USP20: variants seen among roughly 807,000 people sequenced by gnomAD.
USP20 encodes ubiquitin specific peptidase 20, also known as ubiquitin carboxyl-terminal hydrolase 20.
USP20 carries 80 observed loss-of-function variants against 124.2 expected under a neutral mutation model. That is an observed-to-expected ratio of 0.64 (90% CI 0.54 to 0.78). The LOEUF is 0.78. Among genes scored for constraint, USP20 ranks in the 30% least tolerant of loss-of-function variants. The pLI, the probability that USP20 is intolerant of heterozygous loss-of-function variation, is 0.00. For missense variants in USP20, 1,043 were observed against 1,244.4 expected, an observed-to-expected ratio of 0.84 and a Z score of 2.44; for synonymous variants, 481 against 512.3, an observed-to-expected ratio of 0.94 and a Z score of 0.83.
At chr9:129,862,336 C>G (rs2062802) in intron 8 of USP20, among the ~76,000 whole-genome samples, 133,229 of 152,086 alleles carry the variant, frequency 0.88, 58,750 homozygotes, top group East Asian at 1. Context: ...GATGGATCAC[C>G]AGGTCAGGAG....
chr9:129,842,276 A>G (rs948761609), intron 1 of USP20, among the ~76,000 whole-genome samples: 1 of 152,116 alleles, frequency 6.6e-6, no homozygotes, highest in African/African-American at 2.4e-5. Context: ...TTCCATAGTG[A>G]CCGTTACCTC....
intron 8 of USP20, among the ~76,000 whole-genome samples, 158 bp downstream of exon 8, chr9:129,861,770 C>T (rs1186585897): frequency 6.6e-6 from 1 of 152,188 alleles, no homozygotes; most frequent in African/African-American, 2.4e-5. Context: ...GCAATCCTCC[C>T]AGTCAGAATG....
intron 3 of USP20, among the ~76,000 whole-genome samples, chr9:129,854,041 G>A (rs897617254): frequency 1.3e-5 from 2 of 152,134 alleles, no homozygotes; most frequent in Non-Finnish European, 2.9e-5. Flanking sequence ...AAAAGAGGTA[G>A]AAATGACAAG....
chr9:129,848,448 A>G (rs2032712209), intron 1 of USP20, among the ~76,000 whole-genome samples: 1 of 152,046 alleles, frequency 6.6e-6, no homozygotes, highest in Admixed American at 6.6e-5. Flanking sequence ...TTTCTCTCTG[A>G]AGTTGCAAGA....
chr9:129,865,879 A>G (rs2033798808), intron 10 of USP20, among the ~76,000 whole-genome samples: 1 of 152,332 alleles, frequency 6.6e-6, no homozygotes, highest in East Asian at 1.9e-4. Context: ...TCCGCGTTGC[A>G]CCCAAAATGA....
intron 8 of USP20, among the ~76,000 whole-genome samples, chr9:129,862,721 C>G (rs1284998983): frequency 6.6e-6 from 1 of 151,774 alleles, no homozygotes; most frequent in African/African-American, 2.4e-5. Flanking sequence ...GCCTGGCCAA[C>G]TAGTAGAGCC....
intron 19 of USP20, 142 bp from the exon 20 acceptor site, chr9:129,875,168 G>A: frequency 8.1e-7 from 1 of 1,232,004 alleles, no homozygotes. Flanking sequence ...ACAGGGGGCT[G>A]CTCACATGTC....
rs755165128 is a variant in USP20, at chr9:129,875,439, A to C, written c.2178A>C (p.Pro726=). ...ACAAGTTCAACACCTTCGCGGAGCC[A>C]GGCCCCATCACCAACCAGACCTTCC... The part of the protein sequence containing the change: ...WLNKFNTFAE[P]GPITNQTFLC... The change falls in exon 20 of 26, where the codon CCA becomes CCC. Residue 726 remains proline (P), a synonymous_variant. Coordinates refer to ENST00000372429, the MANE Select transcript of USP20 (RefSeq NM_001110303.4). 1 of 1,613,644 alleles carries C rather than the reference A, an allele frequency of 6.2e-7. No homozygotes were observed. The highest frequency in any genetic ancestry group is 1.1e-5 in the South Asian group (1 of 91,062).
At chr9:129,864,464 T>A (rs1464761699) in intron 9 of USP20, among the ~76,000 whole-genome samples, 2 of 54,418 alleles carry the variant, frequency 3.7e-5, no homozygotes, top group Non-Finnish European at 3.4e-5. Flanking sequence ...AGTGAGACCC[T>A]GTCTCAAAAA....
chr9:129,857,823 G>A (rs62583563), intron 4 of USP20, among the ~76,000 whole-genome samples: 9,846 of 152,270 alleles, frequency 0.065, 427 homozygotes, highest in Middle Eastern at 0.14. Flanking sequence ...CATACTGCTC[G>A]TCTCACTCAG....
intron 6 of USP20, among the ~76,000 whole-genome samples, chr9:129,860,229 C>A (rs1370759019): frequency 6.6e-6 from 1 of 151,422 alleles, no homozygotes; most frequent in East Asian, 2.0e-4. Flanking sequence ...AGTCAGGAGG[C>A]TGAGGCAGGA....
At chr9:129,875,270 GCCGT>G (rs2034334460) in intron 19 of USP20, 36 bp from the exon 20 acceptor site, 1 of 1,555,418 alleles carries the variant, frequency 6.4e-7, no homozygotes, top group African/African-American at 1.4e-5. Context: ...GAAGGTGGCA[GCCGT>G]CAGGCACAGC....
chr9:129,865,513 C>T (rs1192378764), intron 10 of USP20, 132 bp downstream of exon 10: 6 of 882,044 alleles, frequency 6.8e-6, no homozygotes, highest in Middle Eastern at 5.0e-4. Context: ...ACCAGGCTCT[C>T]ACTCCTAAGC....
At chr9:129,852,080 TCTG>T (rs944181356) in intron 2 of USP20, among the ~76,000 whole-genome samples, 4 of 152,322 alleles carry the variant, frequency 2.6e-5, no homozygotes, top group Admixed American at 2.6e-4. Flanking sequence ...TATGTCAACA[TCTG>T]CTGCTTGCCT....
At position 129,880,277 on chromosome 9, in the gene USP20, G is replaced by C; in HGVS notation, c.*4G>C. ...AGCCGAGACGCGGGCCGTGTGATCT[G>C]CTGGGCTAGTCTGTAAGTCGCCCCG... On this transcript the variant is annotated 3_prime_UTR_variant, in exon 25 of 26. Transcript: ENST00000372429. 6.3e-7 allele frequency: 1 copy of C among 1,588,234 alleles called. No individual in the cohort carries two copies. The highest frequency in any genetic ancestry group is 8.5e-7 in the Non-Finnish European group (1 of 1,169,706).
intron 1 of USP20, among the ~76,000 whole-genome samples, chr9:129,840,977 G>T (rs1179139625): frequency 6.6e-6 from 1 of 152,026 alleles, no homozygotes; most frequent in East Asian, 1.9e-4. Flanking sequence ...CACCACGTTG[G>T]CCAGGTTTGT....
Position 129,845,630 on chromosome 9 carries a change from A to T in USP20, c.-128-4183A>T, listed in dbSNP as rs182812784. The stretch of plus-strand genomic sequence containing the variant: ...TTCACTGCAGCCTTGAGCTTAAGGG[A>T]TCCTCCCTCCTCAGCTTCCCAAAAG... On this transcript the variant is annotated intron_variant, in intron 1 of 25. Coordinates refer to ENST00000372429, the MANE Select transcript of USP20 (RefSeq NM_001110303.4). Among the ~76,000 whole-genome samples the T allele has an allele frequency of 3.6e-3, 553 of 151,664 alleles. 6 individuals are homozygous for T. Among genetic ancestry groups the T allele is most frequent in the South Asian group, 7.7e-3 (37 of 4,786 alleles).
chr9:129,857,084 A>G (rs1056926618), intron 4 of USP20, among the ~76,000 whole-genome samples: 5 of 152,070 alleles, frequency 3.3e-5, no homozygotes, highest in African/African-American at 7.2e-5. Context: ...AGTAAAAACA[A>G]CAAAGACAGC....
rs1279353260 is a variant in USP20 at position 129,856,292 on chromosome 9, T to G, written c.82-15T>G. ...CCTCATGCCTGCTCTTTTTCTCTCCTCTCAACTCACACAGGGAACCTGTCA... is the reference window on the plus strand; with the variant it reads ...CCTCATGCCTGCTCTTTTTCTCTCCGCTCAACTCACACAGGGAACCTGTCA... On this transcript the variant is annotated splice_polypyrimidine_tract_variant and intron_variant, in intron 3 of 25. Transcript: ENST00000372429. The G allele has an allele frequency of 2.5e-6, 4 of 1,613,826 alleles. No homozygotes were observed. The Admixed American group carries it at 6.7e-5, about 27-fold the overall frequency.
Sources: gnomAD v4.1 joint callset for allele counts (sites outside exome capture counted in the v4.1 genomes callset) on GRCh38, gnomAD v4.1.1 for gene constraint, MANE v1.5 for transcripts, NCBI Gene and HGNC (gene_info 2026-07-23, HGNC 2026-07-21) for gene names.